Variants in BABAM2 observed in about 807,000 individuals in gnomAD.
BABAM2 encodes the protein BRISC and BRCA1-A complex member 2.
BABAM2 carries 31 observed loss-of-function variants against 54.7 expected under a neutral mutation model. That is an observed-to-expected ratio of 0.57 (90% CI 0.43 to 0.77). The LOEUF is 0.77. Ranked by LOEUF, BABAM2 falls within the 30% of genes least tolerant of loss-of-function variation. The probability of loss-of-function intolerance (pLI) is 0.00; values close to 1 mark genes in which losing one functional copy is unlikely to be tolerated. For synonymous variants in BABAM2, 167 were observed against 162.9 expected (o/e 1.03, Z -0.19); for missense variants, 364 against 455.8 (o/e 0.80, Z 1.83).
intron 8 of BABAM2, among the ~76,000 whole-genome samples, chr2:28,238,716 C>T (rs1429510148): frequency 6.6e-6 from 1 of 152,128 alleles, no homozygotes; most frequent in Non-Finnish European, 1.5e-5. Flanking sequence ...TGGGGCTTTG[C>T]ACTGCCTTCA....
At chr2:28,025,462 T>G (rs1334673051) in intron 5 of BABAM2, 42 bp downstream of exon 5, 1 of 1,492,650 alleles carries the variant, frequency 6.7e-7, no homozygotes, top group South Asian at 1.4e-5. Context: ...ACTTCATCCA[T>G]AATAAAATAA....
At chr2:27,894,736 C>T (rs781462043) in intron 2 of BABAM2, 52 bp downstream of exon 2, 2 of 1,602,874 alleles carry the variant, frequency 1.2e-6, no homozygotes, top group Admixed American at 1.7e-5. Flanking sequence ...TCAACCTTTA[C>T]CTAATGACAG....
intron 11 of BABAM2, among the ~76,000 whole-genome samples, chr2:28,335,692 G>A (rs539465832): frequency 6.6e-6 from 1 of 152,346 alleles, no homozygotes; most frequent in African/African-American, 2.4e-5. Flanking sequence ...CACGGACAGT[G>A]TGCAGGGAGA....
intron 10 of BABAM2, among the ~76,000 whole-genome samples, chr2:28,271,208 G>A (rs1311476444): frequency 6.6e-6 from 1 of 152,194 alleles, no homozygotes; most frequent in African/African-American, 2.4e-5. Context: ...GAAGCACACA[G>A]GTGTAAGGTC....
At chr2:27,890,136 A>T (rs1664694404), upstream of BABAM2, 3 of 829,948 alleles carry the variant, frequency 3.6e-6, no homozygotes, top group African/African-American at 5.1e-5. The surrounding 1 kb of genome is among the most constrained non-coding windows in gnomAD (Gnocchi z 4.8). Context: ...CCTGCAGCTC[A>T]TACCCAAAGC....
At chr2:27,938,495 G>A (rs11900119) in intron 3 of BABAM2, among the ~76,000 whole-genome samples, 1,597 of 151,794 alleles carry the variant, frequency 0.011, 23 homozygotes, top group African/African-American at 0.037. Flanking sequence ...GGGTTCAAGC[G>A]ATTCTCCTGC....
intron 4 of BABAM2, among the ~76,000 whole-genome samples, chr2:27,992,021 C>T (rs1052740521): frequency 2.0e-5 from 3 of 152,246 alleles, no homozygotes; most frequent in African/African-American, 7.2e-5. Context: ...GCAACACTTG[C>T]TATTATGTCT....
intron 2 of BABAM2, among the ~76,000 whole-genome samples, chr2:27,903,415 C>A (rs1431548110): frequency 6.6e-6 from 1 of 152,030 alleles, no homozygotes; most frequent in Non-Finnish European, 1.5e-5. Flanking sequence ...GGAAACATAC[C>A]ATAATTTAGT....
chr2:28,090,003 C>T (rs116559724), intron 6 of BABAM2, among the ~76,000 whole-genome samples: 1,942 of 152,072 alleles, frequency 0.013, 23 homozygotes, highest in Non-Finnish European at 0.021. Flanking sequence ...TGACAGTCTT[C>T]TGTGTCCTCA....
chr2:28,075,081 C>A (rs532068112), intron 6 of BABAM2, among the ~76,000 whole-genome samples: 2 of 152,020 alleles, frequency 1.3e-5, no homozygotes, highest in African/African-American at 4.8e-5. Flanking sequence ...TGCATTGATG[C>A]CTGAAGATTT....
At chr2:28,331,910 A>G (rs985280129) in intron 11 of BABAM2, among the ~76,000 whole-genome samples, 4 of 152,276 alleles carry the variant, frequency 2.6e-5, no homozygotes, top group African/African-American at 9.6e-5. Flanking sequence ...AAGACATGGA[A>G]TCAACCCAGT....
At chr2:27,983,045 G>T (rs577218913) in intron 3 of BABAM2, among the ~76,000 whole-genome samples, 1 of 152,014 alleles carries the variant, frequency 6.6e-6, no homozygotes, top group East Asian at 1.9e-4. Context: ...TAGATTTCTG[G>T]ATCATATGTT....
chr2:28,131,067 A>T (rs1453362520), intron 7 of BABAM2, among the ~76,000 whole-genome samples: 8 of 1,666 alleles, frequency 4.8e-3, no homozygotes, highest in East Asian at 0.01. Context: ...TATTATTATT[A>T]TTATTATTAT....
At chr2:28,323,064 C>T (rs1690159621) in intron 11 of BABAM2, among the ~76,000 whole-genome samples, 1 of 152,172 alleles carries the variant, frequency 6.6e-6, no homozygotes, top group Non-Finnish European at 1.5e-5. Flanking sequence ...GCAGAGCCCC[C>T]CACTCTCATC....
At chr2:28,133,341 C>T (rs1019759292) in intron 7 of BABAM2, among the ~76,000 whole-genome samples, 1 of 152,160 alleles carries the variant, frequency 6.6e-6, no homozygotes, top group East Asian at 1.9e-4. Context: ...CATTGATTAT[C>T]GATTCAGACT....
At chr2:28,116,960 A>G (rs1363926592) in intron 6 of BABAM2, among the ~76,000 whole-genome samples, 1 of 152,240 alleles carries the variant, frequency 6.6e-6, no homozygotes, top group Non-Finnish European at 1.5e-5. Context: ...AAAACATTTC[A>G]TGTATTCAAA....
rs59747836 is a variant in BABAM2 at position 28,279,660 on chromosome 2, C to CTTTTT, written c.935-18660_935-18656dup. ...TAGTGCAGACAGGGCAGCTCAAAGG[C>CTTTTT]TTTTTTTTTTTTTTTTTTTTTTGAG... On this transcript the variant is annotated intron_variant, in intron 10 of 11. Coordinates refer to ENST00000379624, the MANE Select transcript of BABAM2 (RefSeq NM_199191.3). Among the ~76,000 whole-genome samples, 43 of 100,260 alleles carry CTTTTT rather than the reference C, an allele frequency of 4.3e-4. 2 individuals carry two copies. Among genetic ancestry groups the CTTTTT allele is most frequent in the African/African-American group, 9.6e-4 (22 of 22,960 alleles). 65.8% of individuals were successfully genotyped at this position (100,260 alleles called of 152,430 possible).
At chr2:27,942,784 C>CT (rs1197775295) in intron 3 of BABAM2, among the ~76,000 whole-genome samples, 11 of 118,952 alleles carry the variant, frequency 9.2e-5, no homozygotes, top group African/African-American at 2.7e-4. Context: ...CTTATTCTTT[C>CT]TTAAAAAATT....
At chr2:27,935,918 T>C (rs1573207628) in intron 3 of BABAM2, among the ~76,000 whole-genome samples, 2 of 152,128 alleles carry the variant, frequency 1.3e-5, no homozygotes, top group African/African-American at 4.8e-5. Flanking sequence ...GTATTTTTAT[T>C]TTTTGGTATT....
Sources: gnomAD v4.1 joint callset for allele counts (sites outside exome capture counted in the v4.1 genomes callset) on GRCh38, gnomAD v4.1.1 for gene constraint, Gnocchi (gnomAD v3.1) non-coding constraint, MANE v1.5 for transcripts, NCBI Gene and HGNC (gene_info 2026-07-23, HGNC 2026-07-21) for gene names.